The following SSH2 variants were observed in gnomAD, a reference collection of about 807,000 sequenced individuals.
SSH2 encodes protein phosphatase Slingshot homolog 2.
A neutral mutation model predicts 135.2 loss-of-function variants in SSH2; 37 were observed. The observed-to-expected ratio is 0.27, with a 90% CI of 0.21 to 0.36. The LOEUF (loss-of-function observed/expected upper bound fraction) is 0.36, where lower values mean the gene tolerates loss of function less well. SSH2 is among the 10% of genes least tolerant of loss of function. The probability of loss-of-function intolerance (pLI) is 1.00; values close to 1 mark genes in which losing one functional copy is unlikely to be tolerated. For missense variants in SSH2, 1,408 were observed against 1,765.3 expected (o/e 0.80, Z 3.63); for synonymous variants, 628 against 646.2 (o/e 0.97, Z 0.43).
chr17:29,804,817 C>A (rs1417566326), intron 2 of SSH2, among the ~76,000 whole-genome samples: 1 of 143,974 alleles, frequency 6.9e-6, no homozygotes, highest in Admixed American at 6.9e-5. Context: ...GTAGCCAGGA[C>A]TATAGGTGCA....
Position 29,814,432 on chromosome 17 carries a change from CAAAAAAA to C in SSH2, c.145-20502_145-20496del, listed in dbSNP as rs1179862061. ...TGGGCGACAGAGCAAGACTCTGTCTCAAAAAAAAAAAAAAAAAAAAAAAAGAAAGTCA... is the reference window on the plus strand; with the variant it reads ...TGGGCGACAGAGCAAGACTCTGTCTCAAAAAAAAAAAAAAAAAGAAAGTCA... On this transcript the variant is annotated intron_variant, in intron 2 of 15. Transcript: ENST00000540801. Among the ~76,000 whole-genome samples the C allele has an allele frequency of 2.6e-4, 10 of 39,110 alleles. 1 individual carries two copies. The highest frequency in any genetic ancestry group is 1.3e-3 in the South Asian group (1 of 766). 25.7% of individuals were successfully genotyped at this position (39,110 alleles called of 152,430 possible).
At chr17:29,912,425 T>C (rs1297170368) in intron 1 of SSH2, among the ~76,000 whole-genome samples, 1 of 152,170 alleles carries the variant, frequency 6.6e-6, no homozygotes, top group Non-Finnish European at 1.5e-5. Flanking sequence ...GTTGCCAACA[T>C]TTAAAAATCA....
At chr17:29,662,491 A>C (rs2037090772) in intron 11 of SSH2, among the ~76,000 whole-genome samples, 1 of 152,218 alleles carries the variant, frequency 6.6e-6, no homozygotes, top group Admixed American at 6.5e-5. Flanking sequence ...TTCTAAGAGA[A>C]ATTTATGCCA....
Position 29,893,350 on chromosome 17 carries a change from T to C in SSH2, c.63+36588A>G, listed in dbSNP as rs184760945. On this transcript the variant is annotated intron_variant, in intron 1 of 15. Transcript: ENST00000540801. ...TGAATGCATCCCCCCAAAATTGATA[T>C]GCTGAAACTTAATCACCAACATGAT... 2.2e-4 allele frequency among the ~76,000 whole-genome samples: 34 copies of C among 152,116 alleles called. No homozygotes were observed. In the East Asian group the frequency reaches 5.8e-3, roughly 26 times the overall value.
At chr17:29,895,036 ACT>A (rs1478137405) in intron 1 of SSH2, among the ~76,000 whole-genome samples, 4 of 150,464 alleles carry the variant, frequency 2.7e-5, no homozygotes, top group Admixed American at 2.0e-4. Flanking sequence ...TCTGACATAG[ACT>A]CTCCACTCCA....
intron 1 of SSH2, among the ~76,000 whole-genome samples, chr17:29,907,487 T>C (rs1032591195): frequency 1.2e-4 from 18 of 152,140 alleles, no homozygotes; most frequent in Non-Finnish European, 2.6e-4. Context: ...TGCACATTCC[T>C]GCACATGTAT....
intron 3 of SSH2, among the ~76,000 whole-genome samples, chr17:29,705,258 G>A (rs1177698318): frequency 6.6e-6 from 1 of 151,898 alleles, no homozygotes; most frequent in Non-Finnish European, 1.5e-5. Flanking sequence ...TTCCTTACTT[G>A]GACCACTATT....
At chr17:29,760,193 A>C (rs1054136232) in intron 3 of SSH2, among the ~76,000 whole-genome samples, 1 of 152,198 alleles carries the variant, frequency 6.6e-6, no homozygotes, top group Non-Finnish European at 1.5e-5. Flanking sequence ...CTAGACCTTT[A>C]ATAAGGGATA....
chr17:29,814,914 T>A (rs984469648), intron 2 of SSH2, among the ~76,000 whole-genome samples: 2 of 151,566 alleles, frequency 1.3e-5, no homozygotes, highest in East Asian at 3.9e-4. Context: ...GAATTAGGGA[T>A]GGGGAAAATG....
At chr17:29,647,040 C>T (rs1262567523) in intron 14 of SSH2, among the ~76,000 whole-genome samples, 3 of 150,812 alleles carry the variant, frequency 2.0e-5, no homozygotes, top group South Asian at 4.2e-4. Flanking sequence ...TTTGGGAGGC[C>T]GAGGCGAGCG....
At chr17:29,659,819 C>T (rs868425159) in intron 11 of SSH2, among the ~76,000 whole-genome samples, 2 of 151,510 alleles carry the variant, frequency 1.3e-5, no homozygotes, top group South Asian at 2.1e-4. Context: ...TGAGCCACTG[C>T]GCCTGGCCAG....
chr17:29,651,835 T>A (rs1417342197), intron 12 of SSH2, among the ~76,000 whole-genome samples: 1 of 152,228 alleles, frequency 6.6e-6, no homozygotes, highest in Non-Finnish European at 1.5e-5. Flanking sequence ...AAATTTTTTT[T>A]TTTATTTAAT....
At chr17:29,726,273 T>C (rs980773340) in intron 3 of SSH2, among the ~76,000 whole-genome samples, 16 of 152,170 alleles carry the variant, frequency 1.1e-4, no homozygotes, top group Admixed American at 9.8e-4. Flanking sequence ...GGGAGCAGCA[T>C]GTGCAAAGGC....
At chr17:29,900,630 C>T (rs1489410333) in intron 1 of SSH2, among the ~76,000 whole-genome samples, 1 of 152,286 alleles carries the variant, frequency 6.6e-6, no homozygotes, top group Admixed American at 6.5e-5. Context: ...CAGGAAACAA[C>T]AGGTGCTGGA....
At chr17:29,807,855 T>A (rs891800483) in intron 2 of SSH2, among the ~76,000 whole-genome samples, 2 of 148,306 alleles carry the variant, frequency 1.3e-5, no homozygotes, top group Admixed American at 6.7e-5. Flanking sequence ...TTTTTTTTTT[T>A]AGGAAACACT....
intron 13 of SSH2, among the ~76,000 whole-genome samples, chr17:29,649,843 G>T (rs1452129767): frequency 6.6e-6 from 1 of 152,178 alleles, no homozygotes; most frequent in Non-Finnish European, 1.5e-5. Context: ...AAAGGAATAG[G>T]CTCAAAGCTA....
At chr17:29,708,993 A>AATATATATATATAT (rs374708601) in intron 3 of SSH2, among the ~76,000 whole-genome samples, 95 of 65,794 alleles carry the variant, frequency 1.4e-3, no homozygotes, top group South Asian at 3.5e-3. Flanking sequence ...CTAGTTAAGA[A>AATATATATATATAT]ATATATATAT....
chr17:29,786,223 T>A (rs1400418486), intron 3 of SSH2, among the ~76,000 whole-genome samples: 3 of 152,186 alleles, frequency 2.0e-5, no homozygotes, highest in African/African-American at 7.2e-5. Context: ...TTTCATCCAT[T>A]TATCTTTTGA....
At chr17:29,687,439 T>C (rs758431055) in intron 5 of SSH2, among the ~76,000 whole-genome samples, 1 of 152,246 alleles carries the variant, frequency 6.6e-6, no homozygotes, top group African/African-American at 2.4e-5. Context: ...ATGAAGTAAT[T>C]GAGCATTTAA....
Sources: gnomAD v4.1 joint callset for allele counts (sites outside exome capture counted in the v4.1 genomes callset) on GRCh38, gnomAD v4.1.1 for gene constraint, MANE v1.5 for transcripts, NCBI Gene and HGNC (gene_info 2026-07-23, HGNC 2026-07-21) for gene names.